The following BABAM2 variants were observed in gnomAD, a reference collection of about 807,000 sequenced individuals.
BABAM2 encodes BRISC and BRCA1 A complex member 2.
BABAM2 carries 31 observed loss-of-function variants against 54.7 expected under a neutral mutation model. The ratio of observed to expected loss-of-function variants is 0.57; its 90% CI spans 0.43 to 0.77. BABAM2 has a LOEUF of 0.77. Ranked by LOEUF, BABAM2 falls within the 30% of genes least tolerant of loss-of-function variation. The pLI is 0.00. For missense variants in BABAM2, 364 were observed against 455.8 expected, an observed-to-expected ratio of 0.80 and a Z score of 1.83; for synonymous variants, 167 against 162.9, an observed-to-expected ratio of 1.03 and a Z score of -0.19.
In BABAM2 at chr2:28,005,508, A is replaced by T. The variant is rs112687596; in HGVS notation, c.300+17421A>T. ...TTTCAAGGAAACAATGCATTTTAAA[A>T]TGTTTGTAACATTTAGAATAAAGGA... On this transcript the variant is annotated intron_variant, in intron 4 of 11. Coordinates refer to ENST00000379624, the MANE Select transcript of BABAM2 (RefSeq NM_199191.3). Among the ~76,000 whole-genome samples, 337 of 152,292 alleles carry T rather than the reference A, an allele frequency of 2.2e-3. 1 individual carries two copies. The highest frequency in any genetic ancestry group is 7.6e-3 in the African/African-American group (317 of 41,580).
intron 7 of BABAM2, among the ~76,000 whole-genome samples, chr2:28,175,662 A>C (rs1290458625): frequency 6.6e-6 from 1 of 152,180 alleles, no homozygotes; most frequent in Admixed American, 6.5e-5. Flanking sequence ...TTGTCCCACC[A>C]CTGCCGTGGC....
At chr2:27,938,604 C>T (rs564743420) in intron 3 of BABAM2, among the ~76,000 whole-genome samples, 3 of 151,940 alleles carry the variant, frequency 2.0e-5, no homozygotes, top group Admixed American at 6.5e-5. Context: ...ATTGGCCAGG[C>T]TGGTCTCGAA....
chr2:28,029,707 A>G (rs1558670450), intron 5 of BABAM2, among the ~76,000 whole-genome samples: 1 of 152,118 alleles, frequency 6.6e-6, no homozygotes, highest in Non-Finnish European at 1.5e-5. Context: ...GTTCTTTGGG[A>G]TATATACCTA....
chr2:28,183,739 T>TCTCTCACA (rs1553336494), intron 7 of BABAM2, among the ~76,000 whole-genome samples: 1,542 of 133,182 alleles, frequency 0.012, 11 homozygotes, highest in Admixed American at 0.017. Flanking sequence ...TGGATGAAGA[T>TCTCTCACA]CACACACACA....
At chr2:27,942,827 T>C (rs990768112) in intron 3 of BABAM2, among the ~76,000 whole-genome samples, 2 of 151,488 alleles carry the variant, frequency 1.3e-5, no homozygotes, top group East Asian at 3.9e-4. Flanking sequence ...TTTATTTATT[T>C]ATTAAGACAG....
In BABAM2 at chr2:28,263,483, G is replaced by C. The variant is rs547233576; in HGVS notation, c.934+18621G>C. ...TAAAGCTTCCCAATCCATGTGCTGG[G>C]GCACACTGATGGGTTAGGGATAGGT... is the stretch of plus-strand genomic sequence containing the variant. On this transcript the variant is annotated intron_variant, in intron 10 of 11. Transcript: ENST00000379624. Among the ~76,000 whole-genome samples, 5 of 152,330 alleles carry C rather than the reference G, an allele frequency of 3.3e-5. No homozygotes were observed. In the South Asian group the frequency reaches 1.0e-3, roughly 32 times the overall value.
chr2:28,319,582 T>A (rs1689850756), intron 11 of BABAM2, among the ~76,000 whole-genome samples: 1 of 152,228 alleles, frequency 6.6e-6, no homozygotes, highest in Non-Finnish European at 1.5e-5. Flanking sequence ...CACAGCGGAC[T>A]AGGCTAGCCA....
chr2:28,312,543 A>C (rs1411862803), intron 11 of BABAM2, among the ~76,000 whole-genome samples: 1 of 152,244 alleles, frequency 6.6e-6, no homozygotes, highest in Non-Finnish European at 1.5e-5. Flanking sequence ...GACTGAGTAC[A>C]ACTCAGAATT....
At chr2:28,259,635 T>C (rs1315819415) in intron 10 of BABAM2, among the ~76,000 whole-genome samples, 1 of 152,230 alleles carries the variant, frequency 6.6e-6, no homozygotes, top group African/African-American at 2.4e-5. Flanking sequence ...CCATGCTTTT[T>C]ATGTCCTGCT....
At chr2:28,209,818 T>G (rs1376141611) in intron 7 of BABAM2, among the ~76,000 whole-genome samples, 1 of 152,210 alleles carries the variant, frequency 6.6e-6, no homozygotes, top group Non-Finnish European at 1.5e-5. Context: ...ATAGACATGT[T>G]TTACCTGGGA....
chr2:28,095,865 G>A (rs1666575919), intron 6 of BABAM2, among the ~76,000 whole-genome samples: 2 of 152,160 alleles, frequency 1.3e-5, no homozygotes, highest in South Asian at 2.1e-4. Context: ...ACAATGGAAG[G>A]TGATCAGGCT....
At chr2:28,019,652 C>T (rs942496570) in intron 4 of BABAM2, among the ~76,000 whole-genome samples, 3 of 152,062 alleles carry the variant, frequency 2.0e-5, no homozygotes, top group African/African-American at 4.8e-5. Context: ...CTTTCATCCA[C>T]CTTGAGTTGA....
intron 6 of BABAM2, among the ~76,000 whole-genome samples, chr2:28,116,456 G>A (rs970725345): frequency 1.3e-5 from 2 of 152,208 alleles, no homozygotes; most frequent in African/African-American, 4.8e-5. Flanking sequence ...CCAGGTATCT[G>A]AAATAACTTG....
chr2:28,332,282 C>T lies in BABAM2; in HGVS notation c.1089-6168C>T, dbSNP rs141634192. On this transcript the variant is annotated intron_variant, in intron 11 of 11. Transcript: ENST00000379624. ...TATGTAGTAAACCTAACGTCCTGCA[C>T]GTGGATCCCGGAACTTTTTTTAAAA... 4.9e-3 allele frequency among the ~76,000 whole-genome samples: 745 copies of T among 152,208 alleles called. 4 individuals are homozygous for T. Among genetic ancestry groups the T allele is most frequent in the South Asian group, 0.028 (134 of 4,820 alleles).
At chr2:27,903,043 G>C (rs1231789518) in intron 2 of BABAM2, among the ~76,000 whole-genome samples, 1 of 151,944 alleles carries the variant, frequency 6.6e-6, no homozygotes, top group Non-Finnish European at 1.5e-5. Context: ...CTTTAAATGG[G>C]AATTTATTTT....
intron 3 of BABAM2, among the ~76,000 whole-genome samples, chr2:27,987,407 T>C (rs895983470): frequency 3.3e-5 from 5 of 152,212 alleles, no homozygotes; most frequent in African/African-American, 4.8e-5. Flanking sequence ...CCTGTAAAAA[T>C]AATCAGTACA....
chr2:28,066,174 T>TAAAATAAATAAAAA (rs1558304475), intron 6 of BABAM2, among the ~76,000 whole-genome samples: 6 of 148,598 alleles, frequency 4.0e-5, no homozygotes, highest in Non-Finnish European at 8.9e-5. Flanking sequence ...AAAAAAAAAA[T>TAAAATAAATAAAAA]AAATAAATAA....
intron 2 of BABAM2, among the ~76,000 whole-genome samples, chr2:27,918,011 C>A (rs1444062331): frequency 6.6e-6 from 1 of 151,974 alleles, no homozygotes; most frequent in Non-Finnish European, 1.5e-5. Flanking sequence ...ATTTTTGTAC[C>A]AACATGAGTA....
chr2:28,332,502 G>A (rs971799747), intron 11 of BABAM2, among the ~76,000 whole-genome samples: 1 of 152,140 alleles, frequency 6.6e-6, no homozygotes, highest in Non-Finnish European at 1.5e-5. Context: ...AATGAGCCAG[G>A]GCCCGGGCTA....
Sources: allele counts gnomAD v4.1 joint callset (sites outside exome capture counted in the v4.1 genomes callset), GRCh38; gene constraint gnomAD v4.1.1; transcripts MANE v1.5; gene names NCBI Gene and HGNC (gene_info 2026-07-23, HGNC 2026-07-21).